The following CALN1 variants were observed in gnomAD, a reference collection of about 807,000 sequenced individuals.
The protein encoded by CALN1 is calneuron 1, also known as calcium-binding protein 8.
A neutral mutation model predicts 30.6 loss-of-function variants in CALN1; 17 were observed. That is an observed-to-expected ratio of 0.56 (90% CI 0.38 to 0.83). The LOEUF (loss-of-function observed/expected upper bound fraction) is 0.83. CALN1 is among the 40% of genes least tolerant of loss of function. CALN1 has a pLI of 0.00. For synonymous variants in CALN1, 156 were observed against 131.4 expected (o/e 1.19, Z -1.28); for missense variants, 291 against 354.9 (o/e 0.82, Z 1.45).
chr7:72,166,953 A>C (rs1039245925), intron 3 of CALN1, among the ~76,000 whole-genome samples: 47 of 152,176 alleles, frequency 3.1e-4, no homozygotes, highest in African/African-American at 1.1e-3. Context: ...AGAATTGCTT[A>C]AACTGGGAAG....
chr7:72,116,539 A>C (rs1807995485), intron 3 of CALN1, among the ~76,000 whole-genome samples: 1 of 152,174 alleles, frequency 6.6e-6, no homozygotes, highest in East Asian at 1.9e-4. Flanking sequence ...CAGGGTACGG[A>C]AGCAGGAGGG....
chr7:72,380,198 A>T (rs1804802065), intron 2 of CALN1, among the ~76,000 whole-genome samples: 1 of 152,198 alleles, frequency 6.6e-6, no homozygotes. Flanking sequence ...TGCCAGCTGG[A>T]TACCAGTCAA....
At chr7:72,182,971 G>A (rs748035968) in intron 3 of CALN1, among the ~76,000 whole-genome samples, 5 of 152,116 alleles carry the variant, frequency 3.3e-5, no homozygotes, top group Non-Finnish European at 5.9e-5. Context: ...AGGAGTCTAC[G>A]TGTGGTCAAC....
chr7:71,901,550 T>C (rs1422496378), intron 5 of CALN1, among the ~76,000 whole-genome samples: 1 of 151,714 alleles, frequency 6.6e-6, no homozygotes. Flanking sequence ...CAAAACAGAA[T>C]GGTACTAGTA....
intron 6 of CALN1, among the ~76,000 whole-genome samples, chr7:71,802,539 T>G (rs956632067): frequency 6.6e-6 from 1 of 152,194 alleles, no homozygotes; most frequent in East Asian, 1.9e-4. Flanking sequence ...CATAGCTCAC[T>G]GCAGCCTCGA....
At chr7:72,006,798 C>G (rs1043339418) in intron 5 of CALN1, among the ~76,000 whole-genome samples, 13 of 152,252 alleles carry the variant, frequency 8.5e-5, no homozygotes, top group Admixed American at 5.9e-4. Flanking sequence ...AAGCTCATGT[C>G]TGTTCCTTAC....
At chr7:71,844,707 A>G (rs191689529) in intron 5 of CALN1, among the ~76,000 whole-genome samples, 1 of 152,204 alleles carries the variant, frequency 6.6e-6, no homozygotes, top group Non-Finnish European at 1.5e-5. Context: ...AATCCTGGCT[A>G]AACTAAGAAA....
chr7:72,369,291 A>T (rs1804070943), intron 2 of CALN1, among the ~76,000 whole-genome samples: 1 of 147,590 alleles, frequency 6.8e-6, no homozygotes, highest in Admixed American at 6.8e-5. Context: ...CATATAAAAT[A>T]TATATATTTA....
In CALN1 at chr7:72,349,250, G is replaced by A. The variant is rs539174258; in HGVS notation, c.119+54001C>T. ...TGTTCGATTTTAATACCTAAAGCGA[G>A]AGAAAAAGAGAGAGACTGTAAACAC... On this transcript the variant is annotated intron_variant, in intron 2 of 6. Coordinates refer to ENST00000395275, the MANE Select transcript of CALN1 (RefSeq NM_031468.4). 2.0e-5 allele frequency among the ~76,000 whole-genome samples: 3 copies of A among 151,814 alleles called. No individual in the cohort carries two copies. In the South Asian group the frequency reaches 6.3e-4, roughly 32 times the overall value.
At chr7:72,134,773 T>C (rs79677595) in intron 3 of CALN1, among the ~76,000 whole-genome samples, 2,112 of 152,286 alleles carry the variant, frequency 0.014, 23 homozygotes, top group Non-Finnish European at 0.023. Context: ...TGGCCGCACA[T>C]AGATGGACTC....
intron 2 of CALN1, among the ~76,000 whole-genome samples, chr7:72,363,572 T>C (rs1803693470): frequency 1.1e-5 from 1 of 94,818 alleles, no homozygotes; most frequent in Non-Finnish European, 1.9e-5. Context: ...ATAAACTTAC[T>C]TTTTTTACAG....
chr7:71,796,120 C>T (rs547104887), intron 6 of CALN1, among the ~76,000 whole-genome samples: 11 of 152,068 alleles, frequency 7.2e-5, no homozygotes, highest in East Asian at 5.8e-4. Context: ...CCACTGTGCC[C>T]GGCCATTTCA....
chr7:71,945,580 A>G (rs1796363635), intron 5 of CALN1, among the ~76,000 whole-genome samples: 1 of 152,160 alleles, frequency 6.6e-6, no homozygotes, highest in Non-Finnish European at 1.5e-5. Flanking sequence ...GATCAGCAGC[A>G]GCATTAGATT....
chr7:72,293,181 G>T (rs915357273), intron 2 of CALN1, among the ~76,000 whole-genome samples: 16 of 152,172 alleles, frequency 1.1e-4, no homozygotes, highest in African/African-American at 3.9e-4. Flanking sequence ...TTGTTGGAAG[G>T]GTGGAAAAGC....
chr7:71,869,226 T>C (rs76290306), intron 5 of CALN1, among the ~76,000 whole-genome samples: 1 of 152,130 alleles, frequency 6.6e-6, no homozygotes, highest in African/African-American at 2.4e-5. Context: ...TTTTTTTTTT[T>C]TGAGATGGAG....
intron 2 of CALN1, among the ~76,000 whole-genome samples, chr7:72,359,240 C>T (rs577967263): frequency 6.6e-6 from 1 of 152,276 alleles, no homozygotes; most frequent in South Asian, 2.1e-4. Context: ...TGGCACCTTC[C>T]TCCTCCCCGA....
the CALN1 span, among the ~76,000 whole-genome samples, chr7:72,455,321 ATGTGTGTGTGTGTG>A: frequency 1.5e-3 from 213 of 138,856 alleles, 2 homozygotes; most frequent in African/African-American, 4.0e-3. Context: ...ATATATATAT[ATGTGTGTGTGTGTG>A]TGTGTGTGTG....
intron 1 of CALN1, among the ~76,000 whole-genome samples, chr7:72,407,042 A>G (rs1468539420): frequency 6.6e-6 from 1 of 152,146 alleles, no homozygotes; most frequent in Non-Finnish European, 1.5e-5. Context: ...CCACCCAAAA[A>G]GTGATGTAGC....
At chr7:72,141,163 T>C (rs1410507373) in intron 3 of CALN1, among the ~76,000 whole-genome samples, 1 of 152,148 alleles carries the variant, frequency 6.6e-6, no homozygotes, top group African/African-American at 2.4e-5. Context: ...CTGGATGCGG[T>C]AGCTCATACC....
Sources: allele counts gnomAD v4.1 joint callset (sites outside exome capture counted in the v4.1 genomes callset), GRCh38; gene constraint gnomAD v4.1.1; transcripts MANE v1.5; gene names NCBI Gene and HGNC (gene_info 2026-07-23, HGNC 2026-07-21).